ETV5: variants seen among roughly 807,000 people sequenced by gnomAD.
ETV5 encodes ETS translocation variant 5.
Under a neutral mutation model 70.0 loss-of-function variants are expected in ETV5, and 10 were observed. That is an observed-to-expected ratio of 0.14 (90% CI 0.09 to 0.24). The LOEUF is 0.24. Among genes scored for constraint, ETV5 ranks in the 10% least tolerant of loss-of-function variants. The pLI, the probability that ETV5 is intolerant of heterozygous loss-of-function variation, is 1.00. For missense variants in ETV5, 453 were observed against 651.2 expected, an observed-to-expected ratio of 0.70 and a Z score of 3.31; for synonymous variants, 216 against 242.2, an observed-to-expected ratio of 0.89 and a Z score of 1.01.
intron 7 of ETV5, among the ~76,000 whole-genome samples, chr3:186,069,422 C>T (rs1443581137): frequency 2.0e-5 from 3 of 151,496 alleles, no homozygotes; most frequent in Non-Finnish European, 2.9e-5. Flanking sequence ...CTCAGGTTTA[C>T]ACTTGACGTT....
intron 7 of ETV5, among the ~76,000 whole-genome samples, chr3:186,075,951 C>T (rs926568199): frequency 1.3e-5 from 2 of 152,130 alleles, no homozygotes; most frequent in African/African-American, 2.4e-5. Flanking sequence ...TAATGAGATA[C>T]GGTTTAATAA....
At chr3:186,049,830 T>C (rs928751026) in intron 12 of ETV5, among the ~76,000 whole-genome samples, 2 of 152,128 alleles carry the variant, frequency 1.3e-5, no homozygotes, top group African/African-American at 4.8e-5. Context: ...CAAAAATTAG[T>C]TTGTGTGGGA....
chr3:186,065,838 C>T lies in ETV5; in HGVS notation c.885G>A (p.Glu295=), dbSNP rs1713428498. 1 of 1,614,014 alleles carries T rather than the reference C, an allele frequency of 6.2e-7. No homozygotes were observed. Among genetic ancestry groups the T allele is most frequent in the African/African-American group, 1.3e-5 (1 of 74,914 alleles). The part of the protein sequence containing the change: ...GFQSPMGIKQ[E]PRDYCVDSEV... Reference sequence around the variant, plus strand: ...CTGAATCGACGCAGTAATCCCGAGGCTCCTGCTTGATTCCCATTGGTGACT... The same window carrying T: ...CTGAATCGACGCAGTAATCCCGAGGTTCCTGCTTGATTCCCATTGGTGACT... The change falls in exon 8 of 13, where the codon GAG becomes GAA. Residue 295 remains glutamate (E), a synonymous_variant. Coordinates refer to ENST00000306376, the MANE Select transcript of ETV5 (RefSeq NM_004454.3).
At chr3:186,065,748 G>C (rs1713424986) in intron 8 of ETV5, 65 bp downstream of exon 8, 9 of 1,601,996 alleles carry the variant, frequency 5.6e-6, no homozygotes, top group Non-Finnish European at 6.8e-6. Context: ...GCATGTATAA[G>C]ACACTGAATA....
chr3:186,066,730 C>A (rs1470166552), intron 7 of ETV5, among the ~76,000 whole-genome samples: 2 of 152,166 alleles, frequency 1.3e-5, no homozygotes, highest in African/African-American at 4.8e-5. Context: ...ACTAACTTGA[C>A]AAAATGATTC....
chr3:186,067,090 T>C (rs1332132042), intron 7 of ETV5, among the ~76,000 whole-genome samples: 2 of 151,298 alleles, frequency 1.3e-5, no homozygotes, highest in African/African-American at 4.9e-5. Context: ...AGGTCAGGAG[T>C]TCAAGACCAA....
intron 9 of ETV5, among the ~76,000 whole-genome samples, chr3:186,061,393 T>C (rs1188633746): frequency 6.6e-6 from 1 of 152,196 alleles, no homozygotes; most frequent in Non-Finnish European, 1.5e-5. Flanking sequence ...GATTTCAAAC[T>C]TGAAGGTGCA....
chr3:186,073,294 TAA>T (rs1369007004), intron 7 of ETV5, among the ~76,000 whole-genome samples: 5 of 152,214 alleles, frequency 3.3e-5, no homozygotes, highest in African/African-American at 9.6e-5. Flanking sequence ...TTATGTAAAA[TAA>T]AAGTGATTTT....
At chr3:186,106,022 G>A in intron 1 of ETV5, 80 bp from the exon 2 acceptor site, 1 of 1,008,154 alleles carries the variant, frequency 9.9e-7, no homozygotes, top group Non-Finnish European at 1.5e-6. Context: ...CTTTTTTTTA[G>A]GGCCTGTGCA....
intron 7 of ETV5, among the ~76,000 whole-genome samples, chr3:186,068,562 G>A (rs1479785646): frequency 6.6e-6 from 1 of 152,218 alleles, no homozygotes; most frequent in Non-Finnish European, 1.5e-5. Context: ...AAATCCAGAT[G>A]TGTGCCAGCT....
At chr3:186,090,802 G>A (rs1714164164) in intron 5 of ETV5, among the ~76,000 whole-genome samples, 1 of 152,208 alleles carries the variant, frequency 6.6e-6, no homozygotes, top group Admixed American at 6.5e-5. Flanking sequence ...TAAATGCTGA[G>A]CAGGGCTGGG....
chr3:186,108,120 T>A, intron 1 of ETV5, among the ~76,000 whole-genome samples: 1 of 136,118 alleles, frequency 7.3e-6, no homozygotes. Context: ...CCGCTTCCAA[T>A]CCCCCCACCC....
chr3:186,048,475 T>A lies in ETV5; in HGVS notation c.*164A>T. 2 of 637,864 alleles carry A rather than the reference T, an allele frequency of 3.1e-6. No homozygotes were observed. Among genetic ancestry groups the A allele is most frequent in the Non-Finnish European group, 5.5e-6 (2 of 365,382 alleles). 39.5% of individuals were successfully genotyped at this position (637,864 alleles called of 1,614,324 possible). ...CCCTGTTCCCACTCCCCAGCCAATG[T>A]ATCTGTCTTTAAGGGTGCCAATCCA... On this transcript the variant is annotated 3_prime_UTR_variant, in exon 13 of 13. Transcript: ENST00000306376.
chr3:186,052,177 G>A lies in ETV5; in HGVS notation c.1210-46C>T. 1 of 1,578,384 alleles carries A rather than the reference G, an allele frequency of 6.3e-7. No individual in the cohort carries two copies. Among genetic ancestry groups the A allele is most frequent in the South Asian group, 1.1e-5 (1 of 90,342 alleles). On this transcript the variant is annotated intron_variant, in intron 11 of 12. Transcript: ENST00000306376. The surrounding 1 kb of genome is among the most constrained non-coding windows in gnomAD (Gnocchi z 4.5). Reference sequence around the variant, plus strand: ...AGAGCAATGGAAACGCATTCCCTGGGCCCCATGTTCTCTCCCAATCCCAGC... The same window carrying A: ...AGAGCAATGGAAACGCATTCCCTGGACCCCATGTTCTCTCCCAATCCCAGC...
chr3:186,048,471 A>G lies in ETV5; in HGVS notation c.*168T>C. 3 of 629,042 alleles carry G rather than the reference A, an allele frequency of 4.8e-6. No individual in the cohort carries two copies. Among genetic ancestry groups the G allele is most frequent in the Non-Finnish European group, 8.4e-6 (3 of 359,164 alleles). 39.0% of individuals were successfully genotyped at this position (629,042 alleles called of 1,614,324 possible). On this transcript the variant is annotated 3_prime_UTR_variant, in exon 13 of 13. Transcript: ENST00000306376. The stretch of plus-strand genomic sequence containing the variant: ...CCCTCCCTGTTCCCACTCCCCAGCC[A>G]ATGTATCTGTCTTTAAGGGTGCCAA...
intron 7 of ETV5, among the ~76,000 whole-genome samples, chr3:186,073,385 G>C: frequency 6.6e-6 from 1 of 152,242 alleles, no homozygotes; most frequent in East Asian, 1.9e-4. Context: ...TCTACCCAAC[G>C]CTTCTGTGTG....
In ETV5 at chr3:186,047,089, T is replaced by A; in HGVS notation, c.*1550A>T. 8.8e-6 allele frequency: 2 copies of A among 227,974 alleles called. No homozygotes were observed. Among genetic ancestry groups the A allele is most frequent in the Non-Finnish European group, 1.7e-5 (2 of 114,442 alleles). 14.1% of individuals were successfully genotyped at this position (227,974 alleles called of 1,614,324 possible). ...CGGAGTCAGCACTGCCTCCTTCACA[T>A]ACGAGGAACAGTGTAGTCATTCTTA... On this transcript the variant is annotated 3_prime_UTR_variant, in exon 13 of 13. Transcript: ENST00000306376.
chr3:186,086,472 G>C (rs1158237865), intron 5 of ETV5, among the ~76,000 whole-genome samples: 1 of 152,116 alleles, frequency 6.6e-6, no homozygotes, highest in Non-Finnish European at 1.5e-5. Flanking sequence ...CAGATGGCCT[G>C]GTTAGGTACA....
At chr3:186,084,285 A>G (rs1301638332) in intron 5 of ETV5, 1 of 242,222 alleles carries the variant, frequency 4.1e-6, no homozygotes, top group African/African-American at 5.2e-5. Context: ...GAAATGCTAA[A>G]AAAAAAAAAA....
Sources: allele counts gnomAD v4.1 joint callset (sites outside exome capture counted in the v4.1 genomes callset), GRCh38; gene constraint gnomAD v4.1.1; non-coding constraint Gnocchi (gnomAD v3.1); transcripts MANE v1.5; gene names NCBI Gene and HGNC (gene_info 2026-07-23, HGNC 2026-07-21).